SVEP1: variants seen among roughly 807,000 people sequenced by gnomAD.
SVEP1 encodes the protein sushi, von Willebrand factor type A, EGF and pentraxin domain-containing protein 1.
Under a neutral mutation model 367.3 loss-of-function variants are expected in SVEP1, and 164 were observed. The observed-to-expected ratio is 0.45, with a 90% confidence interval of 0.39 to 0.51. The LOEUF (loss-of-function observed/expected upper bound fraction) is 0.51, where lower values mean the gene tolerates loss of function less well. Among genes scored for constraint, SVEP1 ranks in the 20% least tolerant of loss-of-function variants. The pLI is 0.00. For missense variants in SVEP1, 4,117 were observed against 4,425.3 expected (o/e 0.93, Z 1.98); for synonymous variants, 1,666 against 1,611.6 (o/e 1.03, Z -0.81).
chr9:110,513,398 C>T (rs1023489907), intron 4 of SVEP1, among the ~76,000 whole-genome samples: 3 of 151,834 alleles, frequency 2.0e-5, no homozygotes, highest in African/African-American at 7.3e-5. Context: ...AGTTCTTGAC[C>T]TTTATATGTC....
In SVEP1 at chr9:110,436,509, GGAGA is replaced by G. The variant is rs1234937994; in HGVS notation, c.4640-9_4640-6del. ...CCAGAACTAACGCACCACCACCTAAGGAGAGAGAAAGAGAAAGAAAAGGAGGAAA... is the reference window on the plus strand; with the variant it reads ...CCAGAACTAACGCACCACCACCTAAGGAGAAAGAGAAAGAAAAGGAGGAAA... On this transcript the variant is annotated splice_region_variant and splice_polypyrimidine_tract_variant and intron_variant, in intron 27 of 47. Coordinates refer to ENST00000374469, the MANE Select transcript of SVEP1 (RefSeq NM_153366.4). 2.6e-5 allele frequency: 42 copies of G among 1,612,774 alleles called. No individual in the cohort carries two copies. The highest frequency in any genetic ancestry group is 3.6e-5 in the Non-Finnish European group (42 of 1,179,270).
chr9:110,439,096 C>T (rs1828474722), intron 27 of SVEP1, among the ~76,000 whole-genome samples: 1 of 152,078 alleles, frequency 6.6e-6, no homozygotes, highest in Non-Finnish European at 1.5e-5. Flanking sequence ...TGTGTCCCCG[C>T]CAAATTTATA....
chr9:110,435,415 G>A, intron 28 of SVEP1, 51 bp from the exon 29 acceptor site: 2 of 1,590,208 alleles, frequency 1.3e-6, no homozygotes, highest in Non-Finnish European at 1.7e-6. Context: ...CATTAAGATG[G>A]AGTTATTACA....
chr9:110,406,432 G>C lies in SVEP1; in HGVS notation c.9168C>G (p.Phe3056Leu). The C allele has an allele frequency of 1.9e-6, 3 of 1,614,024 alleles. No homozygotes were observed. The highest frequency in any genetic ancestry group is 2.2e-5 in the South Asian group (2 of 91,084). Residue 3056 changes from phenylalanine to leucine, a missense_variant, in exon 38 of 48, where the codon TTC (phenylalanine) becomes TTG (leucine). Physicochemically the swap from Phe to Leu is conservative, Grantham distance 22 (BLOSUM62 0). Coordinates refer to ENST00000374469, the MANE Select transcript of SVEP1 (RefSeq NM_153366.4). ...CEADGQWSSGFPHCEHTSCGS... is the reference protein window; with the variant it reads ...CEADGQWSSGLPHCEHTSCGS... ...CACAAGAAGTGTGTTCACAGTGGGG[G>C]AACCCAGAGCTCCACTGGCCATCGG...
rs1369062655 is a variant in SVEP1, at chr9:110,440,599, GA to G, written c.4639+2945del. Reference sequence around the variant, plus strand: ...AATGGAGGCATGCAGAGTCAAAGAAGAACTGAAAGAAAAAGCTCAGTGAGAA... The same window carrying G: ...AATGGAGGCATGCAGAGTCAAAGAAGACTGAAAGAAAAAGCTCAGTGAGAA... On this transcript the variant is annotated intron_variant, in intron 27 of 47. Coordinates refer to ENST00000374469, the MANE Select transcript of SVEP1 (RefSeq NM_153366.4). Among the ~76,000 whole-genome samples the G allele has an allele frequency of 7.2e-5, 11 of 152,204 alleles. 1 individual carries two copies. The highest frequency in any genetic ancestry group is 2.7e-4 in the African/African-American group (11 of 41,446).
chr9:110,501,102 T>C (rs868636402), intron 6 of SVEP1, among the ~76,000 whole-genome samples: 57 of 146,010 alleles, frequency 3.9e-4, no homozygotes, highest in South Asian at 1.7e-3. Context: ...ATATAATTAA[T>C]ATACATATAT....
At chr9:110,378,060 A>C (rs755238995) in intron 44 of SVEP1, among the ~76,000 whole-genome samples, 1 of 152,170 alleles carries the variant, frequency 6.6e-6, no homozygotes, top group Non-Finnish European at 1.5e-5. Context: ...TCTTTTGCAA[A>C]GCTGAATAAT....
At chr9:110,375,501 G>T in intron 45 of SVEP1, 38 bp from the exon 46 acceptor site, 1 of 1,493,104 alleles carries the variant, frequency 6.7e-7, no homozygotes. Context: ...GGAGGCAGGG[G>T]GGATTGAAAT....
chr9:110,525,119 G>GA (rs1829924713), intron 3 of SVEP1, among the ~76,000 whole-genome samples: 1 of 152,056 alleles, frequency 6.6e-6, no homozygotes, highest in Non-Finnish European at 1.5e-5. Context: ...GGAAGAAAAT[G>GA]AAATAAAACG....
In SVEP1 at chr9:110,427,633, T is replaced by G; in HGVS notation, c.5933A>C (p.Asn1978Thr). The change falls in exon 36 of 48, where the codon AAC becomes ACC. Residue 1978 changes from asparagine to threonine, a missense_variant. Asn to Thr is a moderately conservative substitution (Grantham distance 65). This residue lies in a region of SVEP1 where 2,174 missense variants were observed against 2,494.3 expected (regional missense o/e 0.87). Coordinates refer to ENST00000374469, the MANE Select transcript of SVEP1 (RefSeq NM_153366.4). Reference sequence around the variant, plus strand: ...AGTGACGGTGTTCCTGAAAGTGAAGTTATTCCCCGTAATGACAGCATCTTT... The same window carrying G: ...AGTGACGGTGTTCCTGAAAGTGAAGGTATTCCCCGTAATGACAGCATCTTT... ...AIKDAVITGN[N>T]FTFRNTVTYT... The G allele has an allele frequency of 6.2e-7, 1 of 1,613,894 alleles. No individual in the cohort carries two copies. Among genetic ancestry groups the G allele is most frequent in the Admixed American group, 1.7e-5 (1 of 60,000 alleles).
chr9:110,387,551 A>ATAAAATATTATGGCCTACTCAT lies in SVEP1; in HGVS notation c.9887-115_9887-94dup. The ATAAAATATTATGGCCTACTCAT allele has an allele frequency of 3.8e-6, 5 of 1,317,494 alleles. No homozygotes were observed. The South Asian group carries it at 7.8e-5, about 21-fold the overall frequency. The allele number at this position is 1,317,494 out of a possible 1,614,324, so 81.6% of individuals were successfully genotyped here. A position where few individuals can be genotyped will look rare whatever the true frequency, so the allele number is the denominator to read the frequency against. ...TTGCCAAAGATATTTCATGGAATATATAAAATATTATGGCCTACTCATGTG... is the reference window on the plus strand; with the variant it reads ...TTGCCAAAGATATTTCATGGAATATATAAAATATTATGGCCTACTCATTAAAATATTATGGCCTACTCATGTG... On this transcript the variant is annotated intron_variant, in intron 41 of 47. Transcript: ENST00000374469.
At chr9:110,572,114 G>A (rs1205515956) in intron 1 of SVEP1, among the ~76,000 whole-genome samples, 1 of 64,522 alleles carries the variant, frequency 1.5e-5, no homozygotes, top group Non-Finnish European at 2.8e-5. Context: ...GTAAGATATA[G>A]GAAAAGAGGG....
chr9:110,451,357 C>T lies in SVEP1; in HGVS notation c.3833G>A (p.Cys1278Tyr), dbSNP rs1828690489. The T allele has an allele frequency of 6.2e-7, 1 of 1,613,770 alleles. No individual in the cohort carries two copies. The highest frequency in any genetic ancestry group is 8.5e-7 in the Non-Finnish European group (1 of 1,179,768). The change falls in exon 23 of 48, where the codon TGT (cysteine) becomes TAT (tyrosine). Residue 1278 changes from cysteine to tyrosine, a missense_variant. Around this residue, in one of 4 missense-constraint regions of SVEP1, gnomAD observed 2,174 missense variants for 2,494.3 expected, o/e 0.87. Transcript: ENST00000374469. ...ENINECSSSP[C>Y]LNKGICVDGV... ...ATCAACACAGATTCCTTTATTTAAA[C>T]AAGGACTGGAGCTACACTCATTTAT...
Position 110,378,561 on chromosome 9 carries a change from T to C in SVEP1, c.10408+786A>G, listed in dbSNP as rs181011716. 3.5e-3 allele frequency among the ~76,000 whole-genome samples: 538 copies of C among 152,318 alleles called. 1 individual carries two copies. Among genetic ancestry groups the C allele is most frequent in the African/African-American group, 0.012 (489 of 41,570 alleles). On this transcript the variant is annotated intron_variant, in intron 44 of 47. Coordinates refer to ENST00000374469, the MANE Select transcript of SVEP1 (RefSeq NM_153366.4). ...CATGCTGTAGGTTGCCTGTTCACTCTGATGGTAGTTTCTTTTGCTGTGCAG... is the reference window on the plus strand; with the variant it reads ...CATGCTGTAGGTTGCCTGTTCACTCCGATGGTAGTTTCTTTTGCTGTGCAG...
intron 3 of SVEP1, among the ~76,000 whole-genome samples, chr9:110,528,358 C>A (rs1829973038): frequency 1.3e-5 from 2 of 151,230 alleles, no homozygotes; most frequent in African/African-American, 4.9e-5. Context: ...GGCAGATCCA[C>A]TTTTAGCTTT....
intron 45 of SVEP1, 76 bp downstream of exon 45, chr9:110,377,195 T>C (rs1827361802): frequency 7.4e-7 from 1 of 1,356,554 alleles, no homozygotes; most frequent in Non-Finnish European, 1.0e-6. Flanking sequence ...TACAACCATT[T>C]CCTGGTAACT....
intron 44 of SVEP1, among the ~76,000 whole-genome samples, chr9:110,377,852 T>C (rs1408798475): frequency 1.3e-5 from 2 of 152,188 alleles, no homozygotes; most frequent in Non-Finnish European, 2.9e-5. Flanking sequence ...CTTTGATACC[T>C]TGAGCAACAT....
chr9:110,483,646 G>A lies in SVEP1; in HGVS notation c.1978C>T (p.Gln660Ter). 1 of 1,611,688 alleles carries A rather than the reference G, an allele frequency of 6.2e-7. No individual in the cohort carries two copies. The highest frequency in any genetic ancestry group is 1.1e-5 in the South Asian group (1 of 90,670). Residue 660 changes from glutamine to a stop codon, truncating the protein, a stop_gained, in exon 10 of 48, where the codon CAG (glutamine) becomes TAG (stop). Coordinates refer to ENST00000374469, the MANE Select transcript of SVEP1 (RefSeq NM_153366.4). LOFTEE classifies it high-confidence loss of function. ...GCGGCATGTACCTTCTCCGAGACCTGGACGGGAGGTGGAGATCTGCACCAG... is the reference window on the plus strand; with the variant it reads ...GCGGCATGTACCTTCTCCGAGACCTAGACGGGAGGTGGAGATCTGCACCAG... ...IDWCRSPPPV[Q>*]VSEKVHAASW...
At position 110,365,880 on chromosome 9, in the gene SVEP1, A is replaced by AAGTT. The variant is rs1172463841; in HGVS notation, c.*655_*658dup. On this transcript the variant is annotated 3_prime_UTR_variant, in exon 48 of 48. Transcript: ENST00000374469. ...ATTATGCTGTTTCTCCACATCCATG[A>AAGTT]AGTTAATGCCTACGGCTTTTCAAAT... 2 of 152,344 alleles carry AAGTT rather than the reference A, an allele frequency of 1.3e-5. No homozygotes were observed. The highest frequency in any genetic ancestry group is 3.9e-4 in the East Asian group (2 of 5,186). 9.4% of individuals were successfully genotyped at this position (152,344 alleles called of 1,614,324 possible). A position where few individuals can be genotyped will look rare whatever the true frequency, so the allele number is the denominator to read the frequency against.
Sources: allele counts gnomAD v4.1 joint callset (sites outside exome capture counted in the v4.1 genomes callset), GRCh38; gene constraint gnomAD v4.1.1; regional missense constraint gnomAD v4.1.1; transcripts MANE v1.5; gene names NCBI Gene and HGNC (gene_info 2026-07-23, HGNC 2026-07-21).